SERPINF2: variants seen among roughly 807,000 people sequenced by gnomAD.
SERPINF2 encodes alpha-2-antiplasmin.
SERPINF2 carries 15 observed loss-of-function variants against 45.0 expected under a neutral mutation model. The observed-to-expected ratio is 0.33, with a 90% confidence interval of 0.22 to 0.51. The LOEUF (loss-of-function observed/expected upper bound fraction) is 0.51. SERPINF2 is among the 20% of genes least tolerant of loss of function. SERPINF2 has a pLI of 0.97. For missense variants in SERPINF2, 518 were observed against 637.4 expected (o/e 0.81, Z 2.02); for synonymous variants, 283 against 277.9 (o/e 1.02, Z -0.18).
intron 8 of SERPINF2, 106 bp from the exon 9 acceptor site, chr17:1,752,480 G>T (rs892864643): frequency 5.2e-6 from 5 of 969,264 alleles, no homozygotes; most frequent in Non-Finnish European, 8.3e-6. Flanking sequence ...ACGCCTGGCA[G>T]GATGGCCAGG....
rs757487763 is a variant in SERPINF2 at position 1,745,199 on chromosome 17, C to T, written c.88C>T (p.Pro30Ser). 3.8e-6 allele frequency: 6 copies of T among 1,569,336 alleles called. No individual in the cohort carries two copies. The East Asian group carries it at 9.5e-5, about 25-fold the overall frequency. ...GTTCTCCCCTGTGAGCGCCATGGAG[C>T]CCTTGGGCCGGCAGGTACTGGGGAG... is the stretch of plus-strand genomic sequence containing the variant. ...SVFSPVSAME[P>S]LGRQLTSGPN... The change falls in exon 3 of 10, where the codon CCC becomes TCC. Residue 30 changes from proline to serine, a missense_variant. Physicochemically the swap from Pro to Ser is moderately conservative, Grantham distance 74. Coordinates refer to ENST00000453066, the MANE Select transcript of SERPINF2 (RefSeq NM_000934.4). The surrounding 1 kb of genome is among the most constrained non-coding windows in gnomAD (Gnocchi z 6.2).
At chr17:1,751,879 C>T (rs1196201061) in intron 8 of SERPINF2, among the ~76,000 whole-genome samples, 3 of 139,026 alleles carry the variant, frequency 2.2e-5, no homozygotes, top group African/African-American at 7.3e-5. Context: ...ACCCACAGAA[C>T]CCAGCTGTGG....
intron 5 of SERPINF2, among the ~76,000 whole-genome samples, chr17:1,746,782 G>A (rs2151189793): frequency 6.6e-6 from 1 of 152,304 alleles, no homozygotes; most frequent in South Asian, 2.1e-4. Flanking sequence ...CCACTGTGCT[G>A]GAGGGTCTCA....
At chr17:1,743,335 C>G (rs1905463993) in intron 1 of SERPINF2, among the ~76,000 whole-genome samples, 1 of 152,240 alleles carries the variant, frequency 6.6e-6, no homozygotes, top group African/African-American at 2.4e-5. Flanking sequence ...CAAAAGGCAG[C>G]TCTCTGGCTG....
chr17:1,745,000 C>T lies in SERPINF2; in HGVS notation c.5C>T (p.Ala2Val), dbSNP rs2070862. The T allele has an allele frequency of 0.22, 351,289 of 1,613,214 alleles. 39,047 individuals are homozygous for T. The highest frequency in any genetic ancestry group is 0.23 in the African/African-American group (17,446 of 74,874). Residue 2 changes from alanine (A) to valine (V), a missense_variant, in exon 2 of 10, where the codon GCG becomes GTG. Physicochemically the swap from Ala to Val is moderately conservative, Grantham distance 64. Coordinates refer to ENST00000453066, the MANE Select transcript of SERPINF2 (RefSeq NM_000934.4). The part of the protein sequence containing the change: M[A>V]LLWGLLVLSW... Reference sequence around the variant, plus strand: ...TTCTGTCCCTGCCACAGGAACATGGCGCTGCTCTGGGGGCTCCTGGTGCTC... The same window carrying T: ...TTCTGTCCCTGCCACAGGAACATGGTGCTGCTCTGGGGGCTCCTGGTGCTC...
At chr17:1,751,769 A>T (rs1421852621) in intron 8 of SERPINF2, among the ~76,000 whole-genome samples, 1 of 137,544 alleles carries the variant, frequency 7.3e-6, no homozygotes, top group African/African-American at 2.5e-5. Context: ...AAAAGAAAAA[A>T]AAAGAAATCT....
chr17:1,754,183 G>A lies in SERPINF2; in HGVS notation c.1125G>A (p.Val375=). 1.2e-6 allele frequency: 2 copies of A among 1,612,352 alleles called. No individual in the cohort carries two copies. Among genetic ancestry groups the A allele is most frequent in the Admixed American group, 1.7e-5 (1 of 60,028 alleles). The change falls in exon 10 of 10, where the codon GTG becomes GTA. Residue 375 remains valine (V), a synonymous_variant. Transcript: ENST00000453066. ...LRGISEQSLV[V]SGVQHQSTLE... is the part of the protein sequence containing the mutation. ...GGATCTCCGAGCAGAGCCTGGTGGTGTCCGGCGTGCAGCATCAGTCCACCC... is the reference window on the plus strand; with the variant it reads ...GGATCTCCGAGCAGAGCCTGGTGGTATCCGGCGTGCAGCATCAGTCCACCC...
At chr17:1,749,919 A>T (rs1906209993) in intron 8 of SERPINF2, among the ~76,000 whole-genome samples, 1 of 151,802 alleles carries the variant, frequency 6.6e-6, no homozygotes, top group Admixed American at 6.6e-5. Context: ...AGAAAGGAGG[A>T]TCTGATTGGA....
intron 7 of SERPINF2, among the ~76,000 whole-genome samples, chr17:1,747,714 G>A (rs1905979067): frequency 6.6e-6 from 1 of 152,182 alleles, no homozygotes; most frequent in Non-Finnish European, 1.5e-5. Context: ...ACAGGCATCT[G>A]CCACCACACC....
At chr17:1,744,079 G>C (rs1905564533) in intron 1 of SERPINF2, among the ~76,000 whole-genome samples, 2 of 151,492 alleles carry the variant, frequency 1.3e-5, no homozygotes, top group Non-Finnish European at 2.9e-5. Flanking sequence ...ATTTTCAGTA[G>C]AGATGGGGTT....
Position 1,754,686 on chromosome 17 carries a change from G to T in SERPINF2, c.*152G>T, listed in dbSNP as rs925032463. 26 of 41,624 alleles carry T rather than the reference G, an allele frequency of 6.2e-4. 1 individual carries two copies. The highest frequency in any genetic ancestry group is 3.2e-3 in the South Asian group (6 of 1,870). The allele number at this position is 41,624 out of a possible 1,614,324, so 2.6% of individuals were successfully genotyped here. A position where few individuals can be genotyped will look rare whatever the true frequency, so the allele number is the denominator to read the frequency against. On this transcript the variant is annotated 3_prime_UTR_variant, in exon 10 of 10. Coordinates refer to ENST00000453066, the MANE Select transcript of SERPINF2 (RefSeq NM_000934.4). Reference sequence around the variant, plus strand: ...CAACACCTCTTGGGGAGTTTAGGGTGGGGGGGGGGCGCGGCTGGGAGGAGG... The same window carrying T: ...CAACACCTCTTGGGGAGTTTAGGGTTGGGGGGGGGCGCGGCTGGGAGGAGG...
chr17:1,748,793 G>C (rs574136299), intron 8 of SERPINF2, 53 bp downstream of exon 8: 1 of 934,528 alleles, frequency 1.1e-6, no homozygotes, highest in Admixed American at 1.7e-5. Context: ...GTGGGGAAGG[G>C]AGTGGACAGG....
intron 5 of SERPINF2, 122 bp from the exon 6 acceptor site, chr17:1,746,897 G>A: frequency 7.6e-7 from 1 of 1,315,846 alleles, no homozygotes; most frequent in Non-Finnish European, 1.0e-6. Context: ...ATCCGTGGCT[G>A]TGGAAGGATG....
chr17:1,744,282 C>T (rs1049298580), intron 1 of SERPINF2, among the ~76,000 whole-genome samples: 2 of 151,642 alleles, frequency 1.3e-5, no homozygotes, highest in African/African-American at 2.4e-5. Flanking sequence ...CACCTGAGGT[C>T]GGGAGTTTAA....
chr17:1,754,073 C>A lies in SERPINF2; in HGVS notation c.1064-49C>A, dbSNP rs117890590. On this transcript the variant is annotated intron_variant, in intron 9 of 9. Coordinates refer to ENST00000453066, the MANE Select transcript of SERPINF2 (RefSeq NM_000934.4). Reference sequence around the variant, plus strand: ...ACACCCTCCCAAGCAGCTCCAGGAGCCTGTGAGGCCAAGGGCAGCTCTGAC... The same window carrying A: ...ACACCCTCCCAAGCAGCTCCAGGAGACTGTGAGGCCAAGGGCAGCTCTGAC... The A allele has an allele frequency of 4.5e-4, 714 of 1,596,462 alleles. 15 individuals carry two copies. In the East Asian group the frequency reaches 0.016, roughly 35 times the overall value.
In SERPINF2 at chr17:1,745,364, C is replaced by T. The variant is rs1481646976; in HGVS notation, c.134C>T (p.Ser45Phe). 4 of 1,612,798 alleles carry T rather than the reference C, an allele frequency of 2.5e-6. No individual in the cohort carries two copies. Among genetic ancestry groups the T allele is most frequent in the Admixed American group, 1.7e-5 (1 of 59,946 alleles). ...AGCGGGCCGAACCAGGAGCAGGTGT[C>T]CCCACTTACCCTCCTCAAGTTGGGC... ...LTSGPNQEQV[S>F]PLTLLKLGNQ... is the part of the protein sequence containing the mutation. The change falls in exon 4 of 10, where the codon TCC becomes TTC. Residue 45 changes from serine to phenylalanine, a missense_variant. By Grantham distance (155) the Ser-to-Phe change is radical. Around this residue, in one of 2 missense-constraint regions of SERPINF2, gnomAD observed 435 missense variants for 577.3 expected, o/e 0.75. Transcript: ENST00000453066. This position sits in a 1 kb window ranked among gnomAD's most constrained non-coding sequence, Gnocchi z 6.2.
At chr17:1,748,127 C>T (rs1906023504) in intron 7 of SERPINF2, among the ~76,000 whole-genome samples, 2 of 151,828 alleles carry the variant, frequency 1.3e-5, no homozygotes, top group African/African-American at 4.8e-5. Flanking sequence ...GTGAAACCCC[C>T]GTCTCTGCTA....
chr17:1,752,930 G>A, intron 9 of SERPINF2, 140 bp downstream of exon 9: 1 of 744,180 alleles, frequency 1.3e-6, no homozygotes, highest in Non-Finnish European at 2.2e-6. Flanking sequence ...CGGGGAGAGG[G>A]TTGAATATGA....
intron 5 of SERPINF2, among the ~76,000 whole-genome samples, chr17:1,746,247 T>C (rs1181104825): frequency 6.6e-6 from 1 of 151,612 alleles, no homozygotes; most frequent in African/African-American, 2.4e-5. Context: ...AACCTGGGAG[T>C]TGGAGGTTAC....
Sources: allele counts gnomAD v4.1 joint callset (sites outside exome capture counted in the v4.1 genomes callset), GRCh38; gene constraint gnomAD v4.1.1; regional missense constraint gnomAD v4.1.1; non-coding constraint Gnocchi (gnomAD v3.1); transcripts MANE v1.5; gene names NCBI Gene and HGNC (gene_info 2026-07-23, HGNC 2026-07-21).